Variants in ST18 observed in about 807,000 individuals in gnomAD.
The protein encoded by ST18 is ST18 C2H2C-type zinc finger transcription factor, also known as suppression of tumorigenicity 18 protein.
In ST18, 50 loss-of-function variants were observed where a neutral mutation model predicts 110.0. That is an observed-to-expected ratio of 0.45 (90% confidence interval 0.36 to 0.58). The LOEUF (loss-of-function observed/expected upper bound fraction) is 0.58, where lower values mean the gene tolerates loss of function less well. Among genes scored for constraint, ST18 ranks in the 20% least tolerant of loss-of-function variants. ST18 has a pLI of 0.00. For missense variants in ST18, 1,306 were observed against 1,280.1 expected, an observed-to-expected ratio of 1.02 and a Z score of -0.31; for synonymous variants, 461 against 452.4, an observed-to-expected ratio of 1.02 and a Z score of -0.24.
intron 10 of ST18, among the ~76,000 whole-genome samples, chr8:52,171,260 C>G (rs1302452438): frequency 6.6e-6 from 1 of 152,174 alleles, no homozygotes; most frequent in Non-Finnish European, 1.5e-5. Context: ...AAAGCCTCCT[C>G]AAAGCACACC....
intron 8 of ST18, among the ~76,000 whole-genome samples, chr8:52,190,413 C>A (rs765354385): frequency 2.0e-5 from 3 of 151,838 alleles, no homozygotes; most frequent in African/African-American, 7.3e-5. Flanking sequence ...CATTTTTTTT[C>A]CATTTAATTA....
intron 2 of ST18, among the ~76,000 whole-genome samples, chr8:52,371,234 G>A (rs905854217): frequency 6.6e-6 from 1 of 152,170 alleles, no homozygotes; most frequent in East Asian, 1.9e-4. Flanking sequence ...AAACAAAGGC[G>A]AATAATGTAA....
At chr8:52,347,506 T>G (rs1040543543) in intron 2 of ST18, among the ~76,000 whole-genome samples, 1 of 152,144 alleles carries the variant, frequency 6.6e-6, no homozygotes, top group African/African-American at 2.4e-5. Flanking sequence ...ACTAAAAATA[T>G]TTATATATCA....
At chr8:52,297,068 G>A (rs1455139773) in intron 2 of ST18, among the ~76,000 whole-genome samples, 1 of 152,182 alleles carries the variant, frequency 6.6e-6, no homozygotes. Context: ...CTGATAGCCC[G>A]TGAACAGACC....
At position 52,126,115 on chromosome 8, in the gene ST18, G is replaced by T. The variant is rs1345753338; in HGVS notation, c.2692C>A (p.Gln898Lys). ...GAAACCTTGCCCTTTTTGATAACTT[G>T]TGCATTGAGAGGACATCCAGATAAG... The part of the protein sequence containing the change: ...RSLSGCPLNA[Q>K]VIKKGKVSEE... The change falls in exon 23 of 26, where the codon CAA becomes AAA. Residue 898 changes from glutamine to lysine, a missense_variant. Gln to Lys is a moderately conservative substitution (Grantham distance 53). Transcript: ENST00000689386. 1 of 1,614,050 alleles carries T rather than the reference G, an allele frequency of 6.2e-7. No homozygotes were observed. Among genetic ancestry groups the T allele is most frequent in the Non-Finnish European group, 8.5e-7 (1 of 1,179,962 alleles).
chr8:52,228,161 G>A (rs755635154), intron 3 of ST18, among the ~76,000 whole-genome samples: 7 of 152,150 alleles, frequency 4.6e-5, no homozygotes, highest in Non-Finnish European at 8.8e-5. Flanking sequence ...ATGCAAAGGA[G>A]AGCAAGTGTG....
chr8:52,224,156 C>T (rs1205433194), intron 3 of ST18, among the ~76,000 whole-genome samples: 3 of 152,154 alleles, frequency 2.0e-5, no homozygotes, highest in Non-Finnish European at 4.4e-5. Context: ...GTTCTTTACA[C>T]TCCCAAGTTT....
intron 2 of ST18, among the ~76,000 whole-genome samples, chr8:52,232,814 G>A (rs898033708): frequency 6.6e-6 from 1 of 151,788 alleles, no homozygotes; most frequent in African/African-American, 2.4e-5. Context: ...TAAAGAGATG[G>A]AGGGTGCGTC....
intron 15 of ST18, chr8:52,150,890 A>G (rs1306726078): frequency 1.3e-5 from 2 of 152,194 alleles, no homozygotes; most frequent in Admixed American, 1.3e-4. Context: ...CGTGCCTCGT[A>G]TGTTCTACAA....
At chr8:52,208,823 A>G (rs2081110167) in intron 8 of ST18, among the ~76,000 whole-genome samples, 1 of 122,566 alleles carries the variant, frequency 8.2e-6, no homozygotes, top group South Asian at 2.4e-4. Flanking sequence ...GCCAAAATAA[A>G]TAAATAAATA....
intron 2 of ST18, among the ~76,000 whole-genome samples, chr8:52,388,879 TG>T (rs1238982405): frequency 1.4e-5 from 2 of 147,374 alleles, no homozygotes; most frequent in Admixed American, 6.8e-5. Context: ...GATGAGTTAA[TG>T]GGTGCAGCAC....
At chr8:52,277,696 C>A (rs1342621196) in intron 2 of ST18, among the ~76,000 whole-genome samples, 13 of 152,158 alleles carry the variant, frequency 8.5e-5, no homozygotes, top group Non-Finnish European at 1.9e-4. Flanking sequence ...GATGCTTAAT[C>A]TCACCATCAG....
chr8:52,167,018 G>A (rs761062816), intron 10 of ST18, 32 bp from the exon 11 acceptor site: 2 of 1,580,782 alleles, frequency 1.3e-6, no homozygotes, highest in African/African-American at 1.3e-5. Flanking sequence ...AAATGCATTT[G>A]GTTATTCTTG....
At chr8:52,220,878 G>T (rs2086372934) in intron 4 of ST18, 30 bp from the exon 5 acceptor site, 1 of 152,218 alleles carries the variant, frequency 6.6e-6, no homozygotes, top group South Asian at 2.1e-4. Context: ...AACAAGAAAA[G>T]CATATCAGGC....
chr8:52,171,905 A>G lies in ST18; in HGVS notation c.956T>C (p.Val319Ala). ...CAGCTCTTTGTAGGTGTTATGGAAA[A>G]CACAACCTCGCTCAGCCTGCAGAGC... ...AIALQAERGC[V>A]FHNTYKELDR... The change falls in exon 10 of 26, where the codon GTT becomes GCT. Residue 319 changes from valine to alanine, a missense_variant. Coordinates refer to ENST00000689386, the MANE Select transcript of ST18 (RefSeq NM_001352837.2). 1 of 1,614,174 alleles carries G rather than the reference A, an allele frequency of 6.2e-7. No homozygotes were observed. Among genetic ancestry groups the G allele is most frequent in the Non-Finnish European group, 8.5e-7 (1 of 1,180,036 alleles).
chr8:52,309,416 G>A (rs143230179), intron 2 of ST18, among the ~76,000 whole-genome samples: 1,824 of 151,374 alleles, frequency 0.012, 24 homozygotes, highest in African/African-American at 0.042. Flanking sequence ...AGCTACTCAG[G>A]AGGCTGAGGC....
At chr8:52,275,464 G>C (rs1478309339) in intron 2 of ST18, among the ~76,000 whole-genome samples, 2 of 152,128 alleles carry the variant, frequency 1.3e-5, no homozygotes, top group Non-Finnish European at 2.9e-5. Flanking sequence ...ATATCATCAA[G>C]CTTTGCAAAT....
intron 2 of ST18, among the ~76,000 whole-genome samples, chr8:52,343,059 C>T (rs2360793): frequency 0.17 from 25,820 of 152,016 alleles, 3,865 homozygotes; most frequent in African/African-American, 0.4. Context: ...CTCCAAAGCT[C>T]TTGAACTGAC....
intron 8 of ST18, chr8:52,199,588 C>T (rs915027283): frequency 6.6e-6 from 1 of 152,072 alleles, no homozygotes; most frequent in Non-Finnish European, 1.5e-5. Context: ...AAATTGAGGG[C>T]ATTTGGATCG....
Sources: gnomAD v4.1 joint callset for allele counts (sites outside exome capture counted in the v4.1 genomes callset) on GRCh38, gnomAD v4.1.1 for gene constraint, MANE v1.5 for transcripts, NCBI Gene and HGNC (gene_info 2026-07-23, HGNC 2026-07-21) for gene names.